The following ZC3H18 variants were observed in gnomAD, a reference collection of about 807,000 sequenced individuals.
ZC3H18 encodes the protein zinc finger CCCH domain-containing protein 18.
ZC3H18 carries 8 observed loss-of-function variants against 106.1 expected under a neutral mutation model. That is an observed-to-expected ratio of 0.08 (90% CI 0.04 to 0.14). ZC3H18 has a LOEUF of 0.14. ZC3H18 is among the 10% of genes least tolerant of loss of function. The pLI, the probability that ZC3H18 is intolerant of heterozygous loss-of-function variation, is 1.00. For synonymous variants in ZC3H18, 635 were observed against 522.1 expected (o/e 1.22, Z -2.95); for missense variants, 1,318 against 1,278.4 (o/e 1.03, Z -0.47).
At chr16:88,573,411 C>T (rs148013276) in intron 1 of ZC3H18, among the ~76,000 whole-genome samples, 39 of 152,172 alleles carry the variant, frequency 2.6e-4, no homozygotes, top group African/African-American at 8.7e-4. Context: ...ACGCAGACTC[C>T]CAGTCTTGAA....
At chr16:88,596,405 G>A (rs187633331) in intron 3 of ZC3H18, among the ~76,000 whole-genome samples, 10 of 152,232 alleles carry the variant, frequency 6.6e-5, no homozygotes. Context: ...ACTTTGGGAG[G>A]CCGAGGCTGG....
intron 13 of ZC3H18, chr16:88,625,989 A>G (rs1906286623): frequency 6.6e-6 from 1 of 151,844 alleles, no homozygotes; most frequent in Admixed American, 6.6e-5. Flanking sequence ...CGCCCAGCTA[A>G]TTTTCTGTAT....
chr16:88,587,685 T>C, intron 3 of ZC3H18: 1 of 1,394,806 alleles, frequency 7.2e-7, no homozygotes, highest in East Asian at 2.5e-5. Context: ...GACTTCCTTC[T>C]CCTGGATCCA....
Position 88,598,206 on chromosome 16 carries a change from G to A in ZC3H18, c.717G>A (p.Arg239=), listed in dbSNP as rs1904548651. ...ACTGTACCTGGGGAATGAATTGTAGGTTTATACACCCTGGAGTGAACGACA... is the reference window on the plus strand; with the variant it reads ...ACTGTACCTGGGGAATGAATTGTAGATTTATACACCCTGGAGTGAACGACA... ...KGNCTWGMNC[R]FIHPGVNDKG... Residue 239 remains arginine (R), a synonymous_variant, in exon 4 of 18, where the codon AGG becomes AGA. Coordinates refer to ENST00000301011, the MANE Select transcript of ZC3H18 (RefSeq NM_144604.4). The A allele has an allele frequency of 2.5e-6, 4 of 1,612,666 alleles. No individual in the cohort carries two copies. The South Asian group carries it at 4.4e-5, about 18-fold the overall frequency.
chr16:88,584,533 TTTTG>T (rs1367269677), intron 2 of ZC3H18, among the ~76,000 whole-genome samples: 1 of 152,186 alleles, frequency 6.6e-6, no homozygotes, highest in Non-Finnish European at 1.5e-5. Flanking sequence ...GGTGGATTAT[TTTTG>T]TTTGTTTGAT....
At position 88,572,572 on chromosome 16, in the gene ZC3H18, T is replaced by G. The variant is rs142642446; in HGVS notation, c.-15+2006T>G. On this transcript the variant is annotated intron_variant, in intron 1 of 17. Coordinates refer to ENST00000301011, the MANE Select transcript of ZC3H18 (RefSeq NM_144604.4). Reference sequence around the variant, plus strand: ...TCCTTAGGCAAGTTCACCCATCTGGTGGATCAGAGGACTAAGGATTTAGTT... The same window carrying G: ...TCCTTAGGCAAGTTCACCCATCTGGGGGATCAGAGGACTAAGGATTTAGTT... Among the ~76,000 whole-genome samples the G allele has an allele frequency of 2.9e-3, 445 of 152,108 alleles. 1 individual carries two copies. The highest frequency in any genetic ancestry group is 0.01 in the African/African-American group (433 of 41,534).
chr16:88,612,527 A>G (rs558570421), intron 8 of ZC3H18, among the ~76,000 whole-genome samples: 1 of 151,708 alleles, frequency 6.6e-6, no homozygotes, highest in East Asian at 1.9e-4. Flanking sequence ...AAAATTAAAA[A>G]TTAGCTGGGG....
intron 16 of ZC3H18, 94 bp downstream of exon 16, chr16:88,628,948 A>T (rs1906494130): frequency 7.9e-7 from 1 of 1,270,874 alleles, no homozygotes; most frequent in Non-Finnish European, 1.1e-6. Flanking sequence ...CTTAACAAGT[A>T]GGAGGAGGGT....
intron 2 of ZC3H18, among the ~76,000 whole-genome samples, chr16:88,584,856 G>A (rs2142574548): frequency 6.6e-6 from 1 of 152,276 alleles, no homozygotes. Context: ...TATTCATCCT[G>A]ATGCGGGAAA....
chr16:88,609,084 T>C, intron 7 of ZC3H18, 33 bp downstream of exon 7: 2 of 1,519,616 alleles, frequency 1.3e-6, no homozygotes, highest in Non-Finnish European at 1.8e-6. Context: ...CATATGAACT[T>C]CATGATCTGT....
At chr16:88,575,406 A>G (rs770945180) in intron 1 of ZC3H18, among the ~76,000 whole-genome samples, 30 of 152,010 alleles carry the variant, frequency 2.0e-4, no homozygotes. Flanking sequence ...TGACCGTGAC[A>G]TACGTTATTT....
chr16:88,592,810 C>T (rs1349574579), intron 3 of ZC3H18, among the ~76,000 whole-genome samples: 1 of 152,222 alleles, frequency 6.6e-6, no homozygotes, highest in Non-Finnish European at 1.5e-5. Flanking sequence ...TCGAATGCCA[C>T]TTTACTTCAT....
chr16:88,587,115 G>T (rs377073816), intron 3 of ZC3H18, among the ~76,000 whole-genome samples: 1 of 152,210 alleles, frequency 6.6e-6, no homozygotes. Flanking sequence ...GCGTTTGTTC[G>T]TGTGGAATGG....
At chr16:88,591,838 G>A (rs1390930856) in intron 3 of ZC3H18, among the ~76,000 whole-genome samples, 1 of 152,222 alleles carries the variant, frequency 6.6e-6, no homozygotes, top group Non-Finnish European at 1.5e-5. Context: ...TGACGTGGTG[G>A]TTGTGTGTTT....
rs142820601 is a variant in ZC3H18 at position 88,585,811 on chromosome 16, C to T, written c.604-789C>T. On this transcript the variant is annotated intron_variant, in intron 2 of 17. Coordinates refer to ENST00000301011, the MANE Select transcript of ZC3H18 (RefSeq NM_144604.4). ...TGGGGAGGGGGATCAAGAGGGGCCA[C>T]ATGGGACCGGTGAGATTGGTTACGC... 7.0e-4 allele frequency among the ~76,000 whole-genome samples: 107 copies of T among 152,144 alleles called. 1 individual carries two copies. Among genetic ancestry groups the T allele is most frequent in the African/African-American group, 2.4e-3 (100 of 41,490 alleles).
At chr16:88,626,701 A>G (rs978661500) in intron 13 of ZC3H18, 2 of 150,086 alleles carry the variant, frequency 1.3e-5, no homozygotes, top group African/African-American at 5.0e-5. Context: ...TGACTTTTGA[A>G]AAAAAAAAAT....
intron 2 of ZC3H18, among the ~76,000 whole-genome samples, chr16:88,579,167 A>G (rs911102384): frequency 2.6e-5 from 4 of 152,216 alleles, no homozygotes; most frequent in African/African-American, 9.6e-5. Flanking sequence ...TAGATGTTTC[A>G]TCTTTCCGCA....
intron 3 of ZC3H18, among the ~76,000 whole-genome samples, chr16:88,592,836 G>C (rs188625441): frequency 1.1e-3 from 170 of 152,310 alleles, no homozygotes; most frequent in African/African-American, 3.9e-3. Flanking sequence ...TGCTGTAGTA[G>C]TAAGAACTGT....
In ZC3H18 at chr16:88,628,820, T is replaced by A. The variant is rs955518266; in HGVS notation, c.2532T>A (p.Pro844=). 3 of 1,613,906 alleles carry A rather than the reference T, an allele frequency of 1.9e-6. No homozygotes were observed. The highest frequency in any genetic ancestry group is 2.5e-6 in the Non-Finnish European group (3 of 1,179,980). ...EPSDKDRQSP[P]PAKRPNTSPD... is the part of the protein sequence containing the mutation. Reference sequence around the variant, plus strand: ...CAGACAAGGACAGGCAGAGCCCTCCTCCAGCCAAGCGGCCCAACACATCCC... The same window carrying A: ...CAGACAAGGACAGGCAGAGCCCTCCACCAGCCAAGCGGCCCAACACATCCC... Residue 844 remains proline, a synonymous_variant, in exon 16 of 18, where the codon CCT becomes CCA. Coordinates refer to ENST00000301011, the MANE Select transcript of ZC3H18 (RefSeq NM_144604.4).
Sources: allele counts gnomAD v4.1 joint callset (sites outside exome capture counted in the v4.1 genomes callset), GRCh38; gene constraint gnomAD v4.1.1; transcripts MANE v1.5; gene names NCBI Gene and HGNC (gene_info 2026-07-23, HGNC 2026-07-21).